SLC4A10: variants seen among roughly 807,000 people sequenced by gnomAD.
SLC4A10 encodes sodium-driven chloride bicarbonate exchanger.
A neutral mutation model predicts 137.7 loss-of-function variants in SLC4A10; 42 were observed. The observed-to-expected ratio is 0.30, with a 90% CI of 0.24 to 0.39. The LOEUF (loss-of-function observed/expected upper bound fraction) is 0.39, where lower values mean the gene tolerates loss of function less well. SLC4A10 is among the 10% of genes least tolerant of loss of function. The probability of loss-of-function intolerance (pLI) is 1.00; values close to 1 mark genes in which losing one functional copy is unlikely to be tolerated. For synonymous variants in SLC4A10, 474 were observed against 464.1 expected, an observed-to-expected ratio of 1.02 and a Z score of -0.27; for missense variants, 925 against 1,355.0, an observed-to-expected ratio of 0.68 and a Z score of 4.98.
chr2:161,650,980 G>T (rs537616428), intron 1 of SLC4A10: 2 of 152,420 alleles, frequency 1.3e-5, no homozygotes, highest in Non-Finnish European at 2.9e-5. Flanking sequence ...GAAGCCTGGG[G>T]GCTGTACTGT....
intron 1 of SLC4A10, among the ~76,000 whole-genome samples, chr2:161,696,560 G>GT (rs1360163397): frequency 2.7e-5 from 4 of 146,008 alleles, no homozygotes; most frequent in Non-Finnish European, 3.0e-5. Flanking sequence ...GCAGTGTTTG[G>GT]TTTTTTGTTC....
intron 1 of SLC4A10, among the ~76,000 whole-genome samples, chr2:161,663,066 T>C (rs528753195): frequency 6.6e-6 from 1 of 152,324 alleles, no homozygotes; most frequent in African/African-American, 2.4e-5. Flanking sequence ...TAAATTGCTC[T>C]TGTAAATTAG....
At chr2:161,636,003 A>G (rs2034327662) in intron 1 of SLC4A10, among the ~76,000 whole-genome samples, 1 of 152,168 alleles carries the variant, frequency 6.6e-6, no homozygotes, top group African/African-American at 2.4e-5. Context: ...GCTTCATCAT[A>G]AATTTGATGT....
At chr2:161,784,439 T>C (rs1488624284) in intron 2 of SLC4A10, among the ~76,000 whole-genome samples, 1 of 151,828 alleles carries the variant, frequency 6.6e-6, no homozygotes, top group Non-Finnish European at 1.5e-5. Flanking sequence ...AATAGCAGCA[T>C]AATACACATT....
At chr2:161,943,205 A>T (rs1693061666) in intron 16 of SLC4A10, among the ~76,000 whole-genome samples, 1 of 152,078 alleles carries the variant, frequency 6.6e-6, no homozygotes, top group African/African-American at 2.4e-5. Flanking sequence ...GGCAGAACTA[A>T]GTCTGCCTTC....
intron 1 of SLC4A10, chr2:161,708,948 A>T: frequency 8.4e-7 from 1 of 1,184,082 alleles, no homozygotes. Context: ...TTTCCTTAGG[A>T]TATTTGAACA....
chr2:161,982,179 C>T (rs1421530887), intron 26 of SLC4A10, among the ~76,000 whole-genome samples: 1 of 152,102 alleles, frequency 6.6e-6, no homozygotes, highest in African/African-American at 2.4e-5. Context: ...TGTATGGATA[C>T]TTACAGCCCA....
chr2:161,813,887 G>A (rs574145842), intron 3 of SLC4A10, among the ~76,000 whole-genome samples: 17 of 152,070 alleles, frequency 1.1e-4, no homozygotes, highest in South Asian at 2.1e-4. Context: ...TGCTCAACCC[G>A]TACACCAACC....
intron 1 of SLC4A10, among the ~76,000 whole-genome samples, chr2:161,695,048 G>C (rs1272836679): frequency 6.6e-6 from 1 of 151,998 alleles, no homozygotes; most frequent in Non-Finnish European, 1.5e-5. Flanking sequence ...ATTTGTATAT[G>C]TAAATATGAT....
intron 3 of SLC4A10, among the ~76,000 whole-genome samples, chr2:161,831,864 A>G (rs1195765695): frequency 6.6e-6 from 1 of 152,204 alleles, no homozygotes; most frequent in African/African-American, 2.4e-5. Context: ...GAGAGTGATC[A>G]GAACATGAAG....
intron 1 of SLC4A10, among the ~76,000 whole-genome samples, chr2:161,729,567 A>G (rs2046616600): frequency 1.3e-5 from 2 of 152,180 alleles, no homozygotes; most frequent in African/African-American, 4.8e-5. Context: ...GATGCACTAT[A>G]ATAGTAATAA....
intron 3 of SLC4A10, among the ~76,000 whole-genome samples, chr2:161,822,252 T>C (rs1268402691): frequency 6.6e-6 from 1 of 152,190 alleles, no homozygotes; most frequent in Non-Finnish European, 1.5e-5. Context: ...AGATTACTGA[T>C]GAAGAGTGAA....
At chr2:161,865,383 A>G (rs1170268828) in intron 6 of SLC4A10, among the ~76,000 whole-genome samples, 2 of 152,108 alleles carry the variant, frequency 1.3e-5, no homozygotes, top group East Asian at 3.8e-4. Flanking sequence ...TTTCCCAAAA[A>G]TCAGAATCTG....
At chr2:161,826,966 T>C (rs1031141626) in intron 3 of SLC4A10, among the ~76,000 whole-genome samples, 1 of 152,216 alleles carries the variant, frequency 6.6e-6, no homozygotes, top group Non-Finnish European at 1.5e-5. Flanking sequence ...CTGGTTATAC[T>C]ACTCTCTCCG....
At chr2:161,823,494 G>A (rs1303654105) in intron 3 of SLC4A10, among the ~76,000 whole-genome samples, 1 of 152,158 alleles carries the variant, frequency 6.6e-6, no homozygotes, top group Non-Finnish European at 1.5e-5. Flanking sequence ...ATCATGTTTA[G>A]TATAATATTG....
intron 4 of SLC4A10, among the ~76,000 whole-genome samples, chr2:161,851,095 T>C (rs1421968714): frequency 6.6e-6 from 1 of 152,176 alleles, no homozygotes; most frequent in African/African-American, 2.4e-5. Flanking sequence ...GATTTTGGTT[T>C]TGTAAAATTT....
intron 2 of SLC4A10, among the ~76,000 whole-genome samples, chr2:161,803,397 AG>A (rs35732816): frequency 0.033 from 5,080 of 152,214 alleles, 106 homozygotes; most frequent in African/African-American, 0.048. Context: ...AGTTTACATT[AG>A]GGTTCACTCT....
intron 4 of SLC4A10, among the ~76,000 whole-genome samples, chr2:161,853,491 T>A (rs1314038640): frequency 6.6e-6 from 1 of 152,190 alleles, no homozygotes; most frequent in Non-Finnish European, 1.5e-5. Flanking sequence ...ACACATGGAC[T>A]CACCCAATTA....
intron 16 of SLC4A10, among the ~76,000 whole-genome samples, chr2:161,945,456 A>G (rs550362051): frequency 1.7e-4 from 26 of 151,684 alleles, no homozygotes; most frequent in African/African-American, 6.3e-4. Context: ...TTTGAAGAGT[A>G]ATTAGTAGAA....
Sources: gnomAD v4.1 joint callset for allele counts (sites outside exome capture counted in the v4.1 genomes callset) on GRCh38, gnomAD v4.1.1 for gene constraint, MANE v1.5 for transcripts, NCBI Gene and HGNC (gene_info 2026-07-23, HGNC 2026-07-21) for gene names.